The following GRK3 variants were observed in gnomAD, a reference collection of about 807,000 sequenced individuals.
GRK3 encodes the protein G protein-coupled receptor kinase 3, also known as adrenergic, beta, receptor kinase 2.
A neutral mutation model predicts 95.7 loss-of-function variants in GRK3; 54 were observed. The ratio of observed to expected loss-of-function variants is 0.56; its 90% CI spans 0.45 to 0.71. The LOEUF is 0.71. Among genes scored for constraint, GRK3 ranks in the 30% least tolerant of loss-of-function variants. GRK3 has a pLI of 0.00. For missense variants in GRK3, 649 were observed against 851.2 expected (o/e 0.76, Z 2.96); for synonymous variants, 281 against 290.8 (o/e 0.97, Z 0.34).
chr22:25,697,828 C>A (rs2085221664), intron 13 of GRK3, among the ~76,000 whole-genome samples: 1 of 152,192 alleles, frequency 6.6e-6, no homozygotes, highest in Admixed American at 6.5e-5. Context: ...AGGAATCTTT[C>A]CAGTGCTTGA....
chr22:25,691,001 G>T (rs2085160854), intron 12 of GRK3, among the ~76,000 whole-genome samples: 2 of 152,140 alleles, frequency 1.3e-5, no homozygotes, highest in Non-Finnish European at 2.9e-5. Context: ...CTTGATCAGT[G>T]CAAGTTGGCC....
intron 3 of GRK3, among the ~76,000 whole-genome samples, chr22:25,660,259 C>G (rs555535042): frequency 4.6e-4 from 70 of 152,306 alleles, no homozygotes; most frequent in African/African-American, 1.6e-3. Flanking sequence ...ACATGTTAGA[C>G]TTGTTCTCCT....
chr22:25,664,366 A>G (rs576271539), intron 5 of GRK3, among the ~76,000 whole-genome samples: 10 of 152,310 alleles, frequency 6.6e-5, no homozygotes, highest in Non-Finnish European at 1.3e-4. Context: ...AGATTCTCCA[A>G]TGAACAAAGT....
intron 2 of GRK3, among the ~76,000 whole-genome samples, chr22:25,634,004 C>T (rs1243429742): frequency 6.6e-6 from 1 of 152,064 alleles, no homozygotes; most frequent in East Asian, 1.9e-4. Context: ...TTTCAATAAC[C>T]AGCTTGCTTT....
At chr22:25,651,000 G>A (rs987713065) in intron 3 of GRK3, among the ~76,000 whole-genome samples, 30 of 152,310 alleles carry the variant, frequency 2.0e-4, no homozygotes, top group African/African-American at 6.5e-4. Flanking sequence ...GAAAAGGAAT[G>A]TGGAAGTTAA....
At chr22:25,674,294 G>T in intron 7 of GRK3, 143 bp from the exon 8 acceptor site, 1 of 596,536 alleles carries the variant, frequency 1.7e-6, no homozygotes, top group Non-Finnish European at 2.8e-6. Context: ...TCATCCTTCA[G>T]CTTAAAGACT....
chr22:25,606,962 C>T (rs1264107054), intron 2 of GRK3, among the ~76,000 whole-genome samples: 1 of 152,196 alleles, frequency 6.6e-6, no homozygotes, highest in African/African-American at 2.4e-5. Context: ...AAGCCCTTAA[C>T]ACGACAATTG....
In GRK3 at chr22:25,576,120, A is replaced by G. The variant is rs568476942; in HGVS notation, c.113+10967A>G. Among the ~76,000 whole-genome samples, 3 of 152,328 alleles carry G rather than the reference A, an allele frequency of 2.0e-5. No homozygotes were observed. In the South Asian group the frequency reaches 6.2e-4, roughly 32 times the overall value. Reference sequence around the variant, plus strand: ...CTATAACTAGAATGTCCAGTTTGCTACATTGCATTAAACACTGGCTCCCAC... The same window carrying G: ...CTATAACTAGAATGTCCAGTTTGCTGCATTGCATTAAACACTGGCTCCCAC... On this transcript the variant is annotated intron_variant, in intron 1 of 20. Transcript: ENST00000324198.
At chr22:25,667,646 T>C in intron 5 of GRK3, 93 bp from the exon 6 acceptor site, 1 of 838,094 alleles carries the variant, frequency 1.2e-6, no homozygotes, top group Non-Finnish European at 2.0e-6. Flanking sequence ...AGTGCATAAT[T>C]GGGAACTTCG....
chr22:25,592,282 T>G (rs1341832163), intron 1 of GRK3, among the ~76,000 whole-genome samples: 4 of 152,258 alleles, frequency 2.6e-5, no homozygotes, highest in African/African-American at 9.6e-5. Context: ...CCACATATCT[T>G]CTTTGAAGTG....
intron 3 of GRK3, among the ~76,000 whole-genome samples, chr22:25,652,702 T>C (rs2084841760): frequency 6.6e-6 from 1 of 152,228 alleles, no homozygotes; most frequent in South Asian, 2.1e-4. Context: ...AGTCATGCAC[T>C]GCATAATGAT....
intron 2 of GRK3, among the ~76,000 whole-genome samples, chr22:25,616,967 C>T (rs2084544189): frequency 6.6e-6 from 1 of 152,122 alleles, no homozygotes; most frequent in Admixed American, 6.6e-5. Context: ...GAGCTTTGTC[C>T]TGAGGCTGAT....
intron 2 of GRK3, among the ~76,000 whole-genome samples, chr22:25,630,620 C>T (rs2084657873): frequency 1.3e-5 from 2 of 152,192 alleles, no homozygotes; most frequent in South Asian, 2.1e-4. Flanking sequence ...CTCCCAGTCC[C>T]AGTTCGCGTT....
At chr22:25,704,061 T>C in intron 14 of GRK3, 48 bp from the exon 15 acceptor site, 1 of 1,392,174 alleles carries the variant, frequency 7.2e-7, no homozygotes, top group South Asian at 1.2e-5. Flanking sequence ...AGTGTTAGGA[T>C]GCTGTTTCAT....
chr22:25,700,767 T>C (rs1414831149), intron 13 of GRK3, among the ~76,000 whole-genome samples: 1 of 152,114 alleles, frequency 6.6e-6, no homozygotes, highest in Admixed American at 6.5e-5. Flanking sequence ...TTTGTATTTT[T>C]AGTAGAGACG....
rs199651378 is a variant in GRK3, at chr22:25,716,618, GA to G, written c.1655-1616del. ...AAATATAGTCTAGGCTTAGATTCCT[GA>G]AAAAAAAAAATTATAATAAAGTTGG... On this transcript the variant is annotated intron_variant, in intron 18 of 20. Transcript: ENST00000324198. Among the ~76,000 whole-genome samples the G allele has an allele frequency of 3.3e-4, 48 of 147,684 alleles. 1 individual carries two copies. The highest frequency in any genetic ancestry group is 6.9e-3 in the Middle Eastern group (2 of 288).
intron 2 of GRK3, 108 bp downstream of exon 2, chr22:25,604,561 G>A: frequency 6.6e-6 from 4 of 602,796 alleles, no homozygotes; most frequent in Non-Finnish European, 1.1e-5. Flanking sequence ...CTCTATAGCT[G>A]TGGCTGGGAA....
chr22:25,593,386 A>G (rs978149531), intron 1 of GRK3, among the ~76,000 whole-genome samples: 9 of 151,760 alleles, frequency 5.9e-5, no homozygotes, highest in African/African-American at 1.9e-4. Context: ...CTTTTTTTAA[A>G]TAATAGCCAT....
intron 17 of GRK3, among the ~76,000 whole-genome samples, chr22:25,711,984 G>A (rs1021497758): frequency 6.6e-6 from 1 of 152,274 alleles, no homozygotes; most frequent in African/African-American, 2.4e-5. Flanking sequence ...TATAACTGGA[G>A]ACACGTAGGA....
Sources: gnomAD v4.1 joint callset for allele counts (sites outside exome capture counted in the v4.1 genomes callset) on GRCh38, gnomAD v4.1.1 for gene constraint, MANE v1.5 for transcripts, NCBI Gene and HGNC (gene_info 2026-07-23, HGNC 2026-07-21) for gene names.